Variants in ANKRD33B observed in about 807,000 individuals in gnomAD.
ANKRD33B encodes the protein ankyrin repeat domain 33B, also known as ankyrin repeat domain-containing protein 33B.
Under a neutral mutation model 21.5 loss-of-function variants are expected in ANKRD33B, and 6 were observed. That is an observed-to-expected ratio of 0.28 (90% confidence interval 0.15 to 0.55). ANKRD33B has a LOEUF of 0.55. Ranked by LOEUF, ANKRD33B falls within the 20% of genes least tolerant of loss-of-function variation. The probability of loss-of-function intolerance (pLI) is 0.94; values close to 1 mark genes in which losing one functional copy is unlikely to be tolerated. For synonymous variants in ANKRD33B, 347 were observed against 342.4 expected (o/e 1.01, Z -0.15); for missense variants, 698 against 747.2 (o/e 0.93, Z 0.77).
intron 1 of ANKRD33B, among the ~76,000 whole-genome samples, chr5:10,588,872 T>C (rs989072660): frequency 6.6e-6 from 1 of 152,170 alleles, no homozygotes; most frequent in South Asian, 2.1e-4. Flanking sequence ...CCTGAGTGCA[T>C]ATTAGCTAGT....
rs1373905892 is a variant in ANKRD33B at position 10,564,536 on chromosome 5, C to G, written c.69C>G (p.Ser23=). 6 of 1,532,868 alleles carry G rather than the reference C, an allele frequency of 3.9e-6. No individual in the cohort carries two copies. The East Asian group carries it at 1.2e-4, about 31-fold the overall frequency. 95.0% of individuals were successfully genotyped at this position (1,532,868 alleles called of 1,614,324 possible). A position where few individuals can be genotyped will look rare whatever the true frequency, so the allele number is the denominator to read the frequency against. Residue 23 remains serine, a synonymous_variant, in exon 1 of 4, where the codon TCC becomes TCG. Transcript: ENST00000296657. The part of the protein sequence containing the change: ...GARCMTPPPP[S]PPRGAQVEED... ...GCTGCATGACCCCACCACCGCCGTC[C>G]CCACCCCGGGGCGCGCAGGTCGAGG...
At chr5:10,597,928 G>A (rs772559301) in intron 1 of ANKRD33B, among the ~76,000 whole-genome samples, 1 of 151,996 alleles carries the variant, frequency 6.6e-6, no homozygotes, top group Non-Finnish European at 1.5e-5. Flanking sequence ...TTTTCTTTTA[G>A]TTTTGGATTT....
In ANKRD33B at chr5:10,649,975, C is replaced by T; in HGVS notation, c.1347C>T (p.Asp449=). 1 of 1,533,460 alleles carries T rather than the reference C, an allele frequency of 6.5e-7. No homozygotes were observed. Among genetic ancestry groups the T allele is most frequent in the Non-Finnish European group, 8.7e-7 (1 of 1,144,878 alleles). 95.0% of individuals were successfully genotyped at this position (1,533,460 alleles called of 1,614,324 possible). Residue 449 remains aspartate (D), a synonymous_variant, in exon 4 of 4, where the codon GAC becomes GAT. Coordinates refer to ENST00000296657, the MANE Select transcript of ANKRD33B (RefSeq NM_001164440.2). The stretch of plus-strand genomic sequence containing the variant: ...CGGCGCGGAAGGGCAGCACCAAGGA[C>T]AGCGGCCACCTGCAGATCCCCAAGT... The part of the protein sequence containing the change: ...ERPARKGSTK[D]SGHLQIPKWR...
intron 2 of ANKRD33B, among the ~76,000 whole-genome samples, chr5:10,629,316 G>A (rs1265247404): frequency 6.6e-6 from 1 of 152,162 alleles, no homozygotes; most frequent in African/African-American, 2.4e-5. Flanking sequence ...TAGAGATGAG[G>A]TCTTGCCATG....
Position 10,650,044 on chromosome 5 carries a change from G to C in ANKRD33B, c.1416G>C (p.Glu472Asp). The C allele has an allele frequency of 1.3e-6, 2 of 1,531,520 alleles. No homozygotes were observed. Among genetic ancestry groups the C allele is most frequent in the Middle Eastern group, 1.7e-4 (1 of 5,716 alleles). The allele number at this position is 1,531,520 out of a possible 1,614,324, so 94.9% of individuals were successfully genotyped here. Reference sequence around the variant, plus strand: ...AGGAGGAGAAGAGGAAGGCAGAGGAGGCCGAAAAGAAGCGCCAGGCCGAGG... The same window carrying C: ...AGGAGGAGAAGAGGAAGGCAGAGGACGCCGAAAAGAAGCGCCAGGCCGAGG... Reference protein sequence around the residue: ...EAKEEKRKAEEAEKKRQAEAQ... With the variant: ...EAKEEKRKAEDAEKKRQAEAQ... Residue 472 changes from glutamate to aspartate, a missense_variant, in exon 4 of 4, where the codon GAG becomes GAC. By Grantham distance (45) the Glu-to-Asp change is conservative (BLOSUM62 2). Around this residue, in one of 3 missense-constraint regions of ANKRD33B, gnomAD observed 543 missense variants for 566.5 expected, o/e 0.96. Coordinates refer to ENST00000296657, the MANE Select transcript of ANKRD33B (RefSeq NM_001164440.2).
At chr5:10,585,180 C>T (rs1406321303) in intron 1 of ANKRD33B, among the ~76,000 whole-genome samples, 1 of 152,166 alleles carries the variant, frequency 6.6e-6, no homozygotes, top group African/African-American at 2.4e-5. Flanking sequence ...CTGCTGGCGT[C>T]GTGTTGAAGT....
Position 10,564,788 on chromosome 5 carries a change from C to T in ANKRD33B, c.321C>T (p.Arg107=), listed in dbSNP as rs746329967. The T allele has an allele frequency of 6.6e-7, 1 of 1,523,668 alleles. No homozygotes were observed. Among genetic ancestry groups the T allele is most frequent in the South Asian group, 1.2e-5 (1 of 83,470 alleles). The allele number at this position is 1,523,668 out of a possible 1,614,324, so 94.4% of individuals were successfully genotyped here. The change falls in exon 1 of 4, where the codon CGC becomes CGT. Residue 107 remains arginine (R), a synonymous_variant. Coordinates refer to ENST00000296657, the MANE Select transcript of ANKRD33B (RefSeq NM_001164440.2). ...NVGLLRTLVR[R]GVSVEEAQET... is the part of the protein sequence containing the mutation. Reference sequence around the variant, plus strand: ...GGCTGCTGCGGACGCTGGTGCGGCGCGGGGTGAGCGTCGAGGAGGCGCAGG... The same window carrying T: ...GGCTGCTGCGGACGCTGGTGCGGCGTGGGGTGAGCGTCGAGGAGGCGCAGG...
chr5:10,645,537 A>G (rs1004583028), intron 3 of ANKRD33B, among the ~76,000 whole-genome samples: 4 of 152,218 alleles, frequency 2.6e-5, no homozygotes, highest in Admixed American at 2.6e-4. Flanking sequence ...TAAAGAAAAC[A>G]GGCCGCATTT....
chr5:10,596,560 C>G (rs985214810), intron 1 of ANKRD33B, among the ~76,000 whole-genome samples: 3 of 152,086 alleles, frequency 2.0e-5, no homozygotes, highest in African/African-American at 7.2e-5. Context: ...AGAGATCGAA[C>G]CTACAACTGA....
At chr5:10,640,256 A>C (rs555263136) in intron 3 of ANKRD33B, among the ~76,000 whole-genome samples, 1 of 152,252 alleles carries the variant, frequency 6.6e-6, no homozygotes, top group South Asian at 2.1e-4. Context: ...TAGAGTGGAA[A>C]ATTCTCAGGC....
chr5:10,584,209 A>G (rs1735505443), intron 1 of ANKRD33B, among the ~76,000 whole-genome samples: 1 of 152,202 alleles, frequency 6.6e-6, no homozygotes, highest in South Asian at 2.1e-4. Context: ...ATGAACTAAT[A>G]ACACTTCAAG....
intron 1 of ANKRD33B, among the ~76,000 whole-genome samples, chr5:10,565,118 G>T (rs1357212557): frequency 6.6e-6 from 1 of 152,246 alleles, no homozygotes; most frequent in Non-Finnish European, 1.5e-5. Flanking sequence ...ACCGGTCCCC[G>T]TGGACCTCCT....
chr5:10,587,043 C>CT (rs1486989653), intron 1 of ANKRD33B, among the ~76,000 whole-genome samples: 3 of 150,914 alleles, frequency 2.0e-5, no homozygotes, highest in African/African-American at 7.4e-5. Context: ...GAGATGGAGT[C>CT]TCGCTCTGTC....
chr5:10,590,784 T>C (rs1560966524), intron 1 of ANKRD33B, among the ~76,000 whole-genome samples: 2 of 151,932 alleles, frequency 1.3e-5, no homozygotes, highest in Non-Finnish European at 2.9e-5. Flanking sequence ...TCACTACTGC[T>C]CTCTGCTTGG....
chr5:10,618,205 G>A (rs1373590724), intron 1 of ANKRD33B, 128 bp from the exon 2 acceptor site: 1 of 1,255,718 alleles, frequency 8.0e-7, no homozygotes, highest in Non-Finnish European at 1.1e-6. Flanking sequence ...TGAGAATTGG[G>A]ACTCCAGGTC....
At chr5:10,642,364 T>C (rs1443659286) in intron 3 of ANKRD33B, among the ~76,000 whole-genome samples, 2 of 152,182 alleles carry the variant, frequency 1.3e-5, no homozygotes, top group South Asian at 4.1e-4. Context: ...TTCTCCACTT[T>C]GCAAGCCCAT....
At chr5:10,600,365 A>G (rs539152790) in intron 1 of ANKRD33B, among the ~76,000 whole-genome samples, 183 of 152,340 alleles carry the variant, frequency 1.2e-3, no homozygotes, top group African/African-American at 4.3e-3. Flanking sequence ...ATTACCATAT[A>G]CAGTATTAAT....
At chr5:10,596,121 G>C (rs1204471799) in intron 1 of ANKRD33B, among the ~76,000 whole-genome samples, 1 of 152,196 alleles carries the variant, frequency 6.6e-6, no homozygotes, top group East Asian at 1.9e-4. Flanking sequence ...TTATGTACCA[G>C]CACCCTTTAA....
At chr5:10,585,532 A>T (rs548168356) in intron 1 of ANKRD33B, among the ~76,000 whole-genome samples, 27 of 152,280 alleles carry the variant, frequency 1.8e-4, no homozygotes, top group African/African-American at 6.3e-4. Context: ...TGTTCTAGGG[A>T]AAAGAAACGC....
Sources: allele counts gnomAD v4.1 joint callset (sites outside exome capture counted in the v4.1 genomes callset), GRCh38; gene constraint gnomAD v4.1.1; regional missense constraint gnomAD v4.1.1; transcripts MANE v1.5; gene names NCBI Gene and HGNC (gene_info 2026-07-23, HGNC 2026-07-21).